PREX1: variants seen among roughly 807,000 people sequenced by gnomAD.
PREX1 encodes phosphatidylinositol 3,4,5-trisphosphate-dependent Rac exchanger 1 protein.
Under a neutral mutation model 198.3 loss-of-function variants are expected in PREX1, and 41 were observed. The observed-to-expected ratio is 0.21, with a 90% CI of 0.16 to 0.27. PREX1 has a LOEUF of 0.27. PREX1 is among the 10% of genes least tolerant of loss of function. The pLI, the probability that PREX1 is intolerant of heterozygous loss-of-function variation, is 1.00. For missense variants in PREX1, 1,620 were observed against 2,200.7 expected, an observed-to-expected ratio of 0.74 and a Z score of 5.28; for synonymous variants, 843 against 887.2, an observed-to-expected ratio of 0.95 and a Z score of 0.89.
At chr20:48,677,637 T>G (rs1324374538) in intron 13 of PREX1, among the ~76,000 whole-genome samples, 1 of 152,170 alleles carries the variant, frequency 6.6e-6, no homozygotes, top group Non-Finnish European at 1.5e-5. Context: ...CTGACAAGCT[T>G]TTACTGAGTC....
At chr20:48,749,597 G>A (rs1418455376) in intron 1 of PREX1, among the ~76,000 whole-genome samples, 1 of 152,164 alleles carries the variant, frequency 6.6e-6, no homozygotes. Flanking sequence ...GACACGACAC[G>A]TCCATGCCTG....
At chr20:48,744,361 A>G (rs928746957) in intron 3 of PREX1, among the ~76,000 whole-genome samples, 2 of 152,210 alleles carry the variant, frequency 1.3e-5, no homozygotes, top group African/African-American at 4.8e-5. Flanking sequence ...TTGCAATTAC[A>G]GGAGGAAATA....
At chr20:48,650,590 T>G (rs569804544) in intron 23 of PREX1, among the ~76,000 whole-genome samples, 23 of 152,180 alleles carry the variant, frequency 1.5e-4, no homozygotes, top group South Asian at 6.2e-4. Context: ...TCCCTTGGAG[T>G]TAATTTTCTC....
intron 1 of PREX1, among the ~76,000 whole-genome samples, chr20:48,767,901 C>G (rs762918151): frequency 6.6e-6 from 1 of 152,192 alleles, no homozygotes; most frequent in Non-Finnish European, 1.5e-5. Context: ...CCCGAGCCAC[C>G]CTCTACCTCG....
intron 14 of PREX1, among the ~76,000 whole-genome samples, chr20:48,672,975 G>A (rs2082394590): frequency 6.6e-6 from 1 of 152,038 alleles, no homozygotes; most frequent in African/African-American, 2.4e-5. Context: ...GTTCCCTGCT[G>A]TGTCTCTAGA....
chr20:48,671,154 G>C lies in PREX1; in HGVS notation c.1666-4799C>G, dbSNP rs918570800. 2.6e-5 allele frequency among the ~76,000 whole-genome samples: 4 copies of C among 152,318 alleles called. No homozygotes were observed. In the East Asian group the frequency reaches 7.7e-4, roughly 29 times the overall value. ...GCAATCTCGGTTCTCTTCCCCAGGG[G>C]CTGGTTTAGGGGTGTATGTCAGACC... On this transcript the variant is annotated intron_variant, in intron 14 of 39. Coordinates refer to ENST00000371941, the MANE Select transcript of PREX1 (RefSeq NM_020820.4).
chr20:48,867,878 T>C, the PREX1 span, among the ~76,000 whole-genome samples: 1 of 151,908 alleles, frequency 6.6e-6, no homozygotes, highest in South Asian at 2.1e-4. Context: ...ACCTTTTTTT[T>C]TTTTTTTTCC....
At chr20:48,847,235 A>G in the PREX1 span, among the ~76,000 whole-genome samples, 1 of 152,012 alleles carries the variant, frequency 6.6e-6, no homozygotes, top group Non-Finnish European at 1.5e-5. Flanking sequence ...AGTTAAGATG[A>G]GTTATGCAGA....
At chr20:48,745,736 A>G (rs114688390) in intron 2 of PREX1, among the ~76,000 whole-genome samples, 95 of 152,350 alleles carry the variant, frequency 6.2e-4, no homozygotes, top group African/African-American at 2.3e-3. Flanking sequence ...ATACAATTTG[A>G]CCCAGCAATC....
intron 30 of PREX1, among the ~76,000 whole-genome samples, chr20:48,638,618 TGTCAGGACTCACCACGCCAGGCACCAC>T (rs1426620020): frequency 3.9e-5 from 6 of 152,154 alleles, no homozygotes; most frequent in African/African-American, 1.4e-4. Context: ...GGTGCGCTCT[TGTCAGGACTCACCACGCCAGGCACCAC>T]GGCAGGACTC....
intron 20 of PREX1, among the ~76,000 whole-genome samples, chr20:48,652,912 C>A (rs1018680372): frequency 1.3e-5 from 2 of 152,164 alleles, no homozygotes; most frequent in Non-Finnish European, 2.9e-5. Flanking sequence ...GGTGCAGACA[C>A]GTCTCTCCTG....
the PREX1 span, among the ~76,000 whole-genome samples, chr20:48,862,162 C>T: frequency 4.6e-5 from 7 of 152,076 alleles, no homozygotes; most frequent in African/African-American, 1.4e-4. Context: ...TGAGCCGAGA[C>T]TGCCCCACTG....
intron 26 of PREX1, 135 bp from the exon 27 acceptor site, chr20:48,644,632 C>T (rs1042403168): frequency 2.7e-6 from 2 of 728,550 alleles, no homozygotes; most frequent in East Asian, 2.8e-5. Flanking sequence ...GAGAGGGCAC[C>T]GAGCACCGGT....
At position 48,642,154 on chromosome 20, in the gene PREX1, G is replaced by T; in HGVS notation, c.3775+14C>A. On this transcript the variant is annotated intron_variant, in intron 29 of 39. Transcript: ENST00000371941. ...CCATCGCAGGCTGTCACCTTGGACT[G>T]GCTATCCCCTCACCTTGTAAGCTGT... 1 of 1,612,882 alleles carries T rather than the reference G, an allele frequency of 6.2e-7. No individual in the cohort carries two copies. The highest frequency in any genetic ancestry group is 1.7e-5 in the Admixed American group (1 of 60,020).
chr20:48,821,293 G>T (rs150745315), intron 1 of PREX1, among the ~76,000 whole-genome samples: 6 of 152,320 alleles, frequency 3.9e-5, no homozygotes, highest in African/African-American at 1.2e-4. Context: ...GGTATCTGGG[G>T]ATGGAACTCT....
chr20:48,783,778 T>A (rs1255060281), intron 1 of PREX1, among the ~76,000 whole-genome samples: 1 of 152,168 alleles, frequency 6.6e-6, no homozygotes, highest in Admixed American at 6.5e-5. Flanking sequence ...TTCTTCAGTA[T>A]CCACTTCACC....
At chr20:48,682,968 A>G (rs2089761779) in intron 10 of PREX1, among the ~76,000 whole-genome samples, 1 of 152,212 alleles carries the variant, frequency 6.6e-6, no homozygotes, top group South Asian at 2.1e-4. Context: ...CCTGGTGTGT[A>G]GGTAGCGGTG....
chr20:48,673,218 C>T (rs6019360), intron 14 of PREX1, among the ~76,000 whole-genome samples: 43,571 of 151,980 alleles, frequency 0.29, 8,674 homozygotes, highest in African/African-American at 0.57. Context: ...TGGCATCTTG[C>T]GTGCCCAAGG....
chr20:48,659,262 A>AAGGAAGGG (rs143111463), intron 16 of PREX1, among the ~76,000 whole-genome samples: 12 of 134,532 alleles, frequency 8.9e-5, no homozygotes, highest in East Asian at 6.8e-4. Flanking sequence ...GGAAGGAAGG[A>AAGGAAGGG]CGGGCACGAG....
Sources: gnomAD v4.1 joint callset for allele counts (sites outside exome capture counted in the v4.1 genomes callset) on GRCh38, gnomAD v4.1.1 for gene constraint, MANE v1.5 for transcripts, NCBI Gene and HGNC (gene_info 2026-07-23, HGNC 2026-07-21) for gene names.